The following ZBTB25 variants were observed in gnomAD, a reference collection of about 807,000 sequenced individuals.
ZBTB25 encodes the protein zinc finger and BTB domain containing 25.
Under a neutral mutation model 34.2 loss-of-function variants are expected in ZBTB25, and 20 were observed. That is an observed-to-expected ratio of 0.58 (90% confidence interval 0.41 to 0.85). The LOEUF (loss-of-function observed/expected upper bound fraction) is 0.85, where lower values mean the gene tolerates loss of function less well. Ranked by LOEUF, ZBTB25 falls within the 40% of genes least tolerant of loss-of-function variation. The pLI, the probability that ZBTB25 is intolerant of heterozygous loss-of-function variation, is 0.00. For missense variants in ZBTB25, 437 were observed against 521.8 expected (o/e 0.84, Z 1.58); for synonymous variants, 175 against 186.4 (o/e 0.94, Z 0.50).
At chr14:64,463,970 C>CGCT (rs1180493710) in intron 2 of ZBTB25, among the ~76,000 whole-genome samples, 2 of 151,998 alleles carry the variant, frequency 1.3e-5, no homozygotes, top group African/African-American at 4.8e-5. Flanking sequence ...GCAGCGCTAG[C>CGCT]AACCCATAGA....
At position 64,502,671 on chromosome 14, in the gene ZBTB25, C is replaced by T. The variant is rs572614649; in HGVS notation, c.-8+990G>A. 20 of 985,532 alleles carry T rather than the reference C, an allele frequency of 2.0e-5. No individual in the cohort carries two copies. The East Asian group carries it at 1.6e-3, about 78-fold the overall frequency. The allele number at this position is 985,532 out of a possible 1,614,324, so 61.0% of individuals were successfully genotyped here. A position where few individuals can be genotyped will look rare whatever the true frequency, so the allele number is the denominator to read the frequency against. ...TAATGACCTCCGCCGGATACATTCT[C>T]TACAGGTGAGTGGGGTAAACTGGCA... On this transcript the variant is annotated intron_variant, in intron 1 of 2. Coordinates refer to ENST00000608382, the MANE Select transcript of ZBTB25 (RefSeq NM_006977.5).
At chr14:64,453,820 C>T (rs763747317) in intron 2 of ZBTB25, 3 of 1,612,546 alleles carry the variant, frequency 1.9e-6, no homozygotes, top group Non-Finnish European at 2.5e-6. Flanking sequence ...CATTGAATTA[C>T]TTCCCGAAGC....
intron 2 of ZBTB25, among the ~76,000 whole-genome samples, chr14:64,450,299 G>T (rs2078349923): frequency 6.6e-6 from 1 of 152,222 alleles, no homozygotes; most frequent in Non-Finnish European, 1.5e-5. Context: ...AGATTGGTAA[G>T]GGGCTGCATC....
intron 2 of ZBTB25, chr14:64,453,810 C>T (rs529664103): frequency 2.5e-6 from 4 of 1,613,198 alleles, no homozygotes; most frequent in South Asian, 2.2e-5. Flanking sequence ...GAGCAGATGA[C>T]ATTGAATTAC....
intron 2 of ZBTB25, among the ~76,000 whole-genome samples, chr14:64,450,784 T>C (rs2078357401): frequency 6.6e-6 from 1 of 152,188 alleles, no homozygotes; most frequent in Non-Finnish European, 1.5e-5. Context: ...CATGGCACAC[T>C]GCAGCCTCAA....
intron 1 of ZBTB25, among the ~76,000 whole-genome samples, chr14:64,490,826 C>A (rs751331649): frequency 6.6e-6 from 1 of 152,096 alleles, no homozygotes; most frequent in Non-Finnish European, 1.5e-5. Flanking sequence ...TGAAGACAGA[C>A]CTGTCCTTTT....
chr14:64,467,217 T>G (rs2078620998), intron 2 of ZBTB25: 1 of 152,240 alleles, frequency 6.6e-6, no homozygotes, highest in Non-Finnish European at 1.5e-5. Flanking sequence ...AGCAATCTTG[T>G]GTTAATCTGA....
At chr14:64,462,915 T>G (rs2078569564) in intron 2 of ZBTB25, 1 of 152,130 alleles carries the variant, frequency 6.6e-6, no homozygotes, top group Admixed American at 6.5e-5. Flanking sequence ...TTTTGGTAGC[T>G]ATAGGCCCAG....
At chr14:64,459,912 A>G in intron 2 of ZBTB25, 4 of 1,535,918 alleles carry the variant, frequency 2.6e-6, no homozygotes, top group Non-Finnish European at 3.5e-6. Flanking sequence ...AGTCATTTTC[A>G]GCCTTAATTC....
chr14:64,449,307 G>T, exon 3 of ZBTB25: 1 of 979,704 alleles, frequency 1.0e-6, no homozygotes, highest in East Asian at 2.4e-5. Context: ...TCGGAGCTGA[G>T]ATTCAAACCC....
downstream of ZBTB25, among the ~76,000 whole-genome samples, chr14:64,477,714 C>CA (rs1555341747): frequency 2.0e-5 from 3 of 151,828 alleles, no homozygotes; most frequent in African/African-American, 4.8e-5. Flanking sequence ...AATGCCAGTT[C>CA]AAAAAAAAAT....
intron 1 of ZBTB25, chr14:64,503,233 G>T (rs1354288619): frequency 1.0e-6 from 1 of 985,374 alleles, no homozygotes; most frequent in Non-Finnish European, 1.2e-6. Flanking sequence ...TCACAAGCTG[G>T]GAGTGGAAAC....
chr14:64,449,453 C>T lies in ZBTB25; in HGVS notation c.*98G>A, dbSNP rs369285610. On this transcript the variant is annotated 3_prime_UTR_variant, in exon 3 of 3. Transcript: ENST00000555220. ...AAATGCTTCCTTTATAGGACGGATA[C>T]AGAGTCTGAGCTGGACCTCATCAGC... The T allele has an allele frequency of 3.1e-6, 5 of 1,613,310 alleles. No individual in the cohort carries two copies. In the African/African-American group the frequency reaches 5.3e-5, roughly 17 times the overall value.
At chr14:64,504,946 G>A (rs867941104), upstream of ZBTB25, 15 of 395,376 alleles carry the variant, frequency 3.8e-5, no homozygotes, top group Non-Finnish European at 6.7e-5. Flanking sequence ...TGTTGCGGCC[G>A]GTAAGTATTT....
intron 2 of ZBTB25, among the ~76,000 whole-genome samples, chr14:64,450,004 C>G (rs1011775103): frequency 1.3e-4 from 20 of 152,186 alleles, no homozygotes; most frequent in African/African-American, 4.8e-4. Context: ...CTTGGCCAGG[C>G]TGGTCTCGAA....
chr14:64,503,735 G>A lies in ZBTB25; in HGVS notation c.-82C>T. The A allele has an allele frequency of 2.1e-6, 1 of 479,782 alleles. No homozygotes were observed. The highest frequency in any genetic ancestry group is 2.7e-6 in the Non-Finnish European group (1 of 367,658). The allele number at this position is 479,782 out of a possible 1,614,324, so 29.7% of individuals were successfully genotyped here. ...GCTCCCAAGCCGCGCACTGCAAGCA[G>A]TGGCGCCGGCTCACGCACCCCTCGG... is the stretch of plus-strand genomic sequence containing the variant. On this transcript the variant is annotated 5_prime_UTR_variant, in exon 1 of 3. Transcript: ENST00000608382.
intron 1 of ZBTB25, among the ~76,000 whole-genome samples, chr14:64,497,341 A>G (rs1284482471): frequency 6.6e-6 from 1 of 152,206 alleles, no homozygotes; most frequent in Non-Finnish European, 1.5e-5. Context: ...GACTTTTTGT[A>G]TAGCCTTTGC....
upstream of ZBTB25, chr14:64,503,977 C>A (rs1250509989): frequency 6.6e-6 from 1 of 152,118 alleles, no homozygotes; most frequent in African/African-American, 2.4e-5. Flanking sequence ...ACTCTGTAGG[C>A]GGAAGCATAG....
chr14:64,498,634 T>A (rs1220072275), intron 1 of ZBTB25, among the ~76,000 whole-genome samples: 1 of 149,060 alleles, frequency 6.7e-6, no homozygotes, highest in Non-Finnish European at 1.5e-5. Context: ...GTTTATTTAT[T>A]TTTATTTTTA....
Sources: gnomAD v4.1 joint callset for allele counts (sites outside exome capture counted in the v4.1 genomes callset) on GRCh38, gnomAD v4.1.1 for gene constraint, MANE v1.5 for transcripts, NCBI Gene and HGNC (gene_info 2026-07-23, HGNC 2026-07-21) for gene names.